Variants in ERAP1 observed in about 807,000 individuals in gnomAD.
ERAP1 encodes adipocyte-derived leucine aminopeptidase.
ERAP1 carries 86 observed loss-of-function variants against 103.7 expected under a neutral mutation model. The observed-to-expected ratio is 0.83, with a 90% CI of 0.70 to 0.99. ERAP1 has a LOEUF of 0.99. Among genes scored for constraint, ERAP1 ranks in the 50% least tolerant of loss-of-function variants. ERAP1 has a pLI of 0.00. For missense variants in ERAP1, 1,009 were observed against 1,128.4 expected (o/e 0.89, Z 1.52); for synonymous variants, 398 against 402.4 (o/e 0.99, Z 0.13).
At chr5:96,896,797 T>A in the ERAP1 span, 150 of 1,605,854 alleles carry the variant, frequency 9.3e-5, no homozygotes, top group Non-Finnish European at 1.2e-4. Context: ...AAGGAATAAT[T>A]CAGTACTTAA....
At chr5:96,871,498 C>T in the ERAP1 span, among the ~76,000 whole-genome samples, 4 of 152,146 alleles carry the variant, frequency 2.6e-5, no homozygotes, top group African/African-American at 4.8e-5. Context: ...TGGTTTTAAT[C>T]GGTTGGTTGA....
At chr5:96,849,064 C>T in the ERAP1 span, among the ~76,000 whole-genome samples, 1 of 152,036 alleles carries the variant, frequency 6.6e-6, no homozygotes, top group East Asian at 1.9e-4. Context: ...AAGCATTTGA[C>T]AAAATTCAAC....
At chr5:96,803,266 A>T in intron 2 of ERAP1, 137 bp downstream of exon 2, 1 of 796,742 alleles carries the variant, frequency 1.3e-6, no homozygotes, top group Non-Finnish European at 2.0e-6. Context: ...CATTTTTAAC[A>T]CTATAAAGAA....
chr5:96,893,396 CTAAA>C, the ERAP1 span, among the ~76,000 whole-genome samples: 2 of 152,162 alleles, frequency 1.3e-5, no homozygotes, highest in Admixed American at 1.3e-4. Flanking sequence ...AAGCAGTGAA[CTAAA>C]TACTCTGTTA....
chr5:96,918,529 C>T, the ERAP1 span: 1 of 152,026 alleles, frequency 6.6e-6, no homozygotes, highest in Non-Finnish European at 1.5e-5. Flanking sequence ...GAGAGCATTC[C>T]AAATGAATGG....
At chr5:96,834,397 C>T in the ERAP1 span, among the ~76,000 whole-genome samples, 1 of 152,146 alleles carries the variant, frequency 6.6e-6, no homozygotes, top group Non-Finnish European at 1.5e-5. Context: ...ATAACCCCGA[C>T]CATAAAGAGC....
chr5:96,813,585 G>A, the ERAP1 span, among the ~76,000 whole-genome samples: 1 of 143,578 alleles, frequency 7.0e-6, no homozygotes, highest in Non-Finnish European at 1.5e-5. Flanking sequence ...CCCAGGAGGC[G>A]GAGGTTGCAG....
At position 96,775,185 on chromosome 5, in the gene ERAP1, G is replaced by GTGCTT; in HGVS notation, c.*1206_*1210dup. On this transcript the variant is annotated 3_prime_UTR_variant, in exon 19 of 19. Transcript: ENST00000443439. ...CGTTGGTTTACCATGTTAGTAAACT[G>GTGCTT]TGCTTTCTATTATTATCATCTATAC... The GTGCTT allele has an allele frequency of 3.0e-6, 3 of 985,490 alleles. No homozygotes were observed. Among genetic ancestry groups the GTGCTT allele is most frequent in the Non-Finnish European group, 3.6e-6 (3 of 829,886 alleles). 61.0% of individuals were successfully genotyped at this position (985,490 alleles called of 1,614,324 possible). A position where few individuals can be genotyped will look rare whatever the true frequency, so the allele number is the denominator to read the frequency against.
At chr5:96,852,658 G>A in the ERAP1 span, among the ~76,000 whole-genome samples, 13,740 of 152,076 alleles carry the variant, frequency 0.09, 809 homozygotes, top group Middle Eastern at 0.16. Context: ...TTTTAGATGC[G>A]AAGTCCTATA....
intron 18 of ERAP1, among the ~76,000 whole-genome samples, chr5:96,777,906 C>CTCTT (rs1561661359): frequency 1.3e-5 from 2 of 152,196 alleles, no homozygotes; most frequent in African/African-American, 4.8e-5. Flanking sequence ...TCAGACTTGG[C>CTCTT]TCTTTAAGAA....
At chr5:96,854,642 A>G in the ERAP1 span, among the ~76,000 whole-genome samples, 35 of 152,336 alleles carry the variant, frequency 2.3e-4, no homozygotes, top group African/African-American at 7.9e-4. Flanking sequence ...AATCCAATAC[A>G]GGTTTGAAAT....
Position 96,768,066 on chromosome 5 carries a change from T to G in ERAP1, c.2819-4838A>C, listed in dbSNP as rs1356556360. Reference sequence around the variant, plus strand: ...TGTGTATGTGTACATACATATAAGTTTTATTTATTGATTGATCTATCTATC... The same window carrying G: ...TGTGTATGTGTACATACATATAAGTGTTATTTATTGATTGATCTATCTATC... On this transcript the variant is annotated intron_variant, in intron 19 of 19. Coordinates refer to the ERAP1 transcript ENST00000296754. 3.0e-6 allele frequency: 3 copies of G among 1,015,036 alleles called. No homozygotes were observed. In the African/African-American group the frequency reaches 4.8e-5, roughly 16 times the overall value. The allele number at this position is 1,015,036 out of a possible 1,614,324, so 62.9% of individuals were successfully genotyped here. A position where few individuals can be genotyped will look rare whatever the true frequency, so the allele number is the denominator to read the frequency against.
chr5:96,925,161 A>T, the ERAP1 span, among the ~76,000 whole-genome samples: 3 of 152,240 alleles, frequency 2.0e-5, no homozygotes, highest in Non-Finnish European at 4.4e-5. Context: ...TTTGCAAGTG[A>T]TCTACATGGT....
chr5:96,891,572 T>TAC, the ERAP1 span, among the ~76,000 whole-genome samples: 105 of 133,262 alleles, frequency 7.9e-4, no homozygotes, highest in South Asian at 2.4e-3. Flanking sequence ...ACATATATGG[T>TAC]ACACACACAC....
the ERAP1 span, among the ~76,000 whole-genome samples, chr5:96,857,082 T>C: frequency 6.6e-6 from 1 of 152,220 alleles, no homozygotes; most frequent in Non-Finnish European, 1.5e-5. Flanking sequence ...ATGTCTCCTA[T>C]ACTTTCTTCT....
chr5:96,859,420 G>A, the ERAP1 span, among the ~76,000 whole-genome samples: 4 of 152,090 alleles, frequency 2.6e-5, no homozygotes, highest in African/African-American at 4.8e-5. Flanking sequence ...ATTGCCTCAG[G>A]CTCCCAGACC....
chr5:96,788,026 T>TA (rs1298914126), intron 11 of ERAP1, among the ~76,000 whole-genome samples: 4 of 152,280 alleles, frequency 2.6e-5, no homozygotes, highest in African/African-American at 9.6e-5. Flanking sequence ...ATAAAAGAAT[T>TA]TTTTAACGGT....
chr5:96,794,549 C>T (rs750598939), intron 5 of ERAP1, among the ~76,000 whole-genome samples: 1 of 152,148 alleles, frequency 6.6e-6, no homozygotes, highest in Non-Finnish European at 1.5e-5. Context: ...AATTGAAAAA[C>T]TAAACAATTA....
intron 8 of ERAP1, among the ~76,000 whole-genome samples, chr5:96,791,298 G>T (rs1175232717): frequency 6.6e-6 from 1 of 152,212 alleles, no homozygotes; most frequent in Admixed American, 6.5e-5. Flanking sequence ...AATAAGGGAA[G>T]TAGTCCAAGG....
Sources: allele counts gnomAD v4.1 joint callset (sites outside exome capture counted in the v4.1 genomes callset), GRCh38; gene constraint gnomAD v4.1.1; transcripts MANE v1.5; gene names NCBI Gene and HGNC (gene_info 2026-07-23, HGNC 2026-07-21).